Variants in PTPRC observed in about 807,000 individuals in gnomAD.
PTPRC encodes protein tyrosine phosphatase receptor type C, also known as receptor-type tyrosine-protein phosphatase C.
PTPRC carries 44 observed loss-of-function variants against 155.9 expected under a neutral mutation model. The observed-to-expected ratio is 0.28, with a 90% confidence interval of 0.22 to 0.36. The LOEUF is 0.36. PTPRC is among the 10% of genes least tolerant of loss of function. PTPRC has a pLI of 1.00. For synonymous variants in PTPRC, 525 were observed against 533.1 expected (o/e 0.98, Z 0.21); for missense variants, 1,401 against 1,564.6 (o/e 0.90, Z 1.76).
At chr1:198,685,677 C>T (rs1156310868) in intron 2 of PTPRC, among the ~76,000 whole-genome samples, 1 of 151,992 alleles carries the variant, frequency 6.6e-6, no homozygotes. Context: ...TATTATCATG[C>T]ATTGCTAAGA....
Position 198,755,930 on chromosome 1 carries a change from G to T in PTPRC, c.3670G>T (p.Val1224Phe). The T allele has an allele frequency of 6.2e-7, 1 of 1,611,680 alleles. No individual in the cohort carries two copies. Among genetic ancestry groups the T allele is most frequent in the Non-Finnish European group, 8.5e-7 (1 of 1,178,338 alleles). The part of the protein sequence containing the change: ...TFEQYQFLYD[V>F]IASTYPAQNG... ...GGAGCAATATCAATTCCTATATGAC[G>T]TCATTGCCAGCACCTACCCTGCTCA... The change falls in exon 33 of 33, where the codon GTC becomes TTC. Residue 1224 changes from valine (V) to phenylalanine (F), a missense_variant. Transcript: ENST00000442510.
At chr1:198,719,987 T>C (rs981979156) in intron 14 of PTPRC, among the ~76,000 whole-genome samples, 1 of 152,188 alleles carries the variant, frequency 6.6e-6, no homozygotes, top group Non-Finnish European at 1.5e-5. Flanking sequence ...GAAATGTCGG[T>C]TGGATTTTAT....
At chr1:198,653,352 A>G (rs1245986065) in intron 2 of PTPRC, among the ~76,000 whole-genome samples, 13 of 151,860 alleles carry the variant, frequency 8.6e-5, no homozygotes, top group Admixed American at 7.2e-4. Flanking sequence ...TTGAAAAACG[A>G]TAAAGGAGTA....
chr1:198,669,449 A>G (rs1419488243), intron 2 of PTPRC, among the ~76,000 whole-genome samples: 2 of 152,160 alleles, frequency 1.3e-5, no homozygotes, highest in Non-Finnish European at 2.9e-5. Flanking sequence ...TATACTCACA[A>G]AACTATTTAC....
chr1:198,712,907 CA>C (rs1558015753), intron 11 of PTPRC, 45 bp from the exon 12 acceptor site: 2 of 1,555,886 alleles, frequency 1.3e-6, no homozygotes, highest in Non-Finnish European at 1.8e-6. Flanking sequence ...ATGCTTTATC[CA>C]TGTCTTATTT....
At chr1:198,750,167 A>G (rs1413992117) in intron 28 of PTPRC, among the ~76,000 whole-genome samples, 1 of 152,004 alleles carries the variant, frequency 6.6e-6, no homozygotes, top group Non-Finnish European at 1.5e-5. Flanking sequence ...GATGAAGGTA[A>G]TTTGAAATGC....
At chr1:198,748,306 A>G in intron 27 of PTPRC, 107 bp downstream of exon 27, 2 of 1,431,488 alleles carry the variant, frequency 1.4e-6, no homozygotes, top group South Asian at 2.8e-5. Flanking sequence ...GCAAGTTTTC[A>G]ACATTTGGTT....
intron 31 of PTPRC, 74 bp from the exon 32 acceptor site, chr1:198,754,195 T>C: frequency 6.7e-7 from 1 of 1,482,494 alleles, no homozygotes; most frequent in Non-Finnish European, 9.3e-7. Context: ...ATTCTCTCTC[T>C]TCCTGTTTTT....
intron 2 of PTPRC, chr1:198,666,974 C>G (rs962112560): frequency 4.6e-5 from 7 of 152,150 alleles, no homozygotes. Flanking sequence ...AGTACAAAGA[C>G]ATAATAATGC....
chr1:198,687,188 T>C (rs1665676490), intron 2 of PTPRC, among the ~76,000 whole-genome samples: 1 of 152,134 alleles, frequency 6.6e-6, no homozygotes, highest in African/African-American at 2.4e-5. Context: ...AGACGAGGTT[T>C]TGCATGTTTC....
At chr1:198,695,928 G>A (rs879940796) in intron 3 of PTPRC, among the ~76,000 whole-genome samples, 17 of 152,058 alleles carry the variant, frequency 1.1e-4, no homozygotes, top group African/African-American at 4.1e-4. Flanking sequence ...TTGGGAGGCC[G>A]AGGCGGGTGG....
Position 198,755,990 on chromosome 1 carries a change from G to A in PTPRC, c.3730G>A (p.Asp1244Asn). 1 of 1,613,264 alleles carries A rather than the reference G, an allele frequency of 6.2e-7. No individual in the cohort carries two copies. The part of the protein sequence containing the change: ...GQVKKNNHQE[D>N]KIEFDNEVDK... The stretch of plus-strand genomic sequence containing the variant: ...AGTAAAGAAAAACAACCATCAAGAA[G>A]ATAAAATTGAATTTGATAATGAAGT... The change falls in exon 33 of 33, where the codon GAT (aspartate) becomes AAT (asparagine). Residue 1244 changes from aspartate (D) to asparagine (N), a missense_variant. Coordinates refer to ENST00000442510, the MANE Select transcript of PTPRC (RefSeq NM_002838.5).
chr1:198,756,070 G>T lies in PTPRC; in HGVS notation c.3810G>T (p.Lys1270Asn), dbSNP rs749310003. The change falls in exon 33 of 33, where the codon AAG (lysine) becomes AAT (asparagine). Residue 1270 changes from lysine (K) to asparagine (N), a missense_variant. Physicochemically the swap from Lys to Asn is moderately conservative, Grantham distance 94. Around this residue, in one of 3 missense-constraint regions of PTPRC, gnomAD observed 400 missense variants for 389.5 expected, o/e 1.03. Coordinates refer to ENST00000442510, the MANE Select transcript of PTPRC (RefSeq NM_002838.5). ...TTAATCCACTTGGTGCCCCAGAAAA[G>T]CTCCCTGAAGCAAAGGAACAGGCTG... is the stretch of plus-strand genomic sequence containing the variant. ...NCVNPLGAPEKLPEAKEQAEG... is the reference protein window; with the variant it reads ...NCVNPLGAPENLPEAKEQAEG... 3.1e-6 allele frequency: 5 copies of T among 1,613,344 alleles called. No homozygotes were observed. The African/African-American group carries it at 4.0e-5, about 13-fold the overall frequency.
chr1:198,704,712 T>C (rs1666639353), intron 8 of PTPRC, among the ~76,000 whole-genome samples: 1 of 152,062 alleles, frequency 6.6e-6, no homozygotes, highest in Admixed American at 6.5e-5. Context: ...AGAGCGATGA[T>C]GGAGGGAGGA....
At chr1:198,679,026 G>A in intron 2 of PTPRC, 1 of 188,418 alleles carries the variant, frequency 5.3e-6, no homozygotes, top group Non-Finnish European at 1.1e-5. Context: ...CTCAGGTCTT[G>A]CATGTGCAAA....
chr1:198,639,063 G>A lies in PTPRC; in HGVS notation c.-118G>A, dbSNP rs1662423108. ...CTGACATCATCACCTAGCAGTTCAT[G>A]CAGCTAGCAAGTGGTTTGTTCTTAG... On this transcript the variant is annotated 5_prime_UTR_variant, in exon 1 of 33. The change abolishes an upstream ATG in the 5' untranslated region. Transcript: ENST00000442510. The A allele has an allele frequency of 1.7e-6, 1 of 571,994 alleles. No individual in the cohort carries two copies. The highest frequency in any genetic ancestry group is 3.0e-5 in the Admixed American group (1 of 32,866). 35.4% of individuals were successfully genotyped at this position (571,994 alleles called of 1,614,324 possible).
chr1:198,659,902 T>C (rs1296959563), intron 2 of PTPRC, among the ~76,000 whole-genome samples: 1 of 151,400 alleles, frequency 6.6e-6, no homozygotes, highest in Non-Finnish European at 1.5e-5. Flanking sequence ...AGAAAGATAT[T>C]TTGGTAGTTT....
At chr1:198,677,439 A>G (rs1479773283) in intron 2 of PTPRC, among the ~76,000 whole-genome samples, 1 of 151,712 alleles carries the variant, frequency 6.6e-6, no homozygotes, top group Non-Finnish European at 1.5e-5. Context: ...AATGTACTAG[A>G]TTCTCAATGT....
intron 2 of PTPRC, among the ~76,000 whole-genome samples, chr1:198,656,561 A>T (rs145045787): frequency 6.6e-6 from 1 of 152,062 alleles, no homozygotes. Context: ...ATGAAGGCAC[A>T]ATGGAAGCTT....
Sources: allele counts gnomAD v4.1 joint callset (sites outside exome capture counted in the v4.1 genomes callset), GRCh38; gene constraint gnomAD v4.1.1; regional missense constraint gnomAD v4.1.1; transcripts MANE v1.5; gene names NCBI Gene and HGNC (gene_info 2026-07-23, HGNC 2026-07-21).